Variants in GADD45A observed in about 807,000 individuals in gnomAD.
The protein encoded by GADD45A is growth arrest and DNA damage-inducible protein GADD45 alpha.
A neutral mutation model predicts 17.7 loss-of-function variants in GADD45A; 9 were observed. The ratio of observed to expected loss-of-function variants is 0.51; its 90% CI spans 0.31 to 0.89. The LOEUF (loss-of-function observed/expected upper bound fraction) is 0.89. Ranked by LOEUF, GADD45A falls within the 40% of genes least tolerant of loss-of-function variation. The pLI is 0.05. For missense variants in GADD45A, 149 were observed against 220.6 expected (o/e 0.68, Z 2.06); for synonymous variants, 95 against 92.2 (o/e 1.03, Z -0.17).
chr1:67,685,298 G>A lies in GADD45A; in HGVS notation c.-197G>A. The A allele has an allele frequency of 1.9e-6, 1 of 534,560 alleles. No homozygotes were observed. The highest frequency in any genetic ancestry group is 3.3e-6 in the Non-Finnish European group (1 of 305,934). The allele number at this position is 534,560 out of a possible 1,614,324, so 33.1% of individuals were successfully genotyped here. On this transcript the variant is annotated 5_prime_UTR_variant, in exon 1 of 4. Transcript: ENST00000370986. ...GGGGAGCGAGCGAGCAAGCAAGGCG[G>A]GAGGGGTGGCCGGAGCTGCGGCGGC...
In GADD45A at chr1:67,687,969, G is replaced by T; in HGVS notation, c.*195G>T. On this transcript the variant is annotated 3_prime_UTR_variant, in exon 4 of 4. Coordinates refer to ENST00000370986, the MANE Select transcript of GADD45A (RefSeq NM_001924.4). Reference sequence around the variant, plus strand: ...GCAGATGGAAAGAGGTGAAAATGAAGAAGGAAGCTGTGTTGAAACAGAAAA... The same window carrying T: ...GCAGATGGAAAGAGGTGAAAATGAATAAGGAAGCTGTGTTGAAACAGAAAA... 1 of 482,184 alleles carries T rather than the reference G, an allele frequency of 2.1e-6. No homozygotes were observed. Among genetic ancestry groups the T allele is most frequent in the Non-Finnish European group, 3.7e-6 (1 of 271,074 alleles). 29.9% of individuals were successfully genotyped at this position (482,184 alleles called of 1,614,324 possible).
Position 67,686,040 on chromosome 1 carries a change from G to A in GADD45A, c.60G>A (p.Gly20=), listed in dbSNP as rs916817277. The A allele has an allele frequency of 1.9e-6, 3 of 1,606,450 alleles. No individual in the cohort carries two copies. The African/African-American group carries it at 4.1e-5, about 22-fold the overall frequency. Residue 20 remains glycine (G), a synonymous_variant, in exon 2 of 4, where the codon GGG becomes GGA. Coordinates refer to ENST00000370986, the MANE Select transcript of GADD45A (RefSeq NM_001924.4). ...CCGCGTGTAGGATGGATAAGGTGGG[G>A]GATGCCCTGGAGGAAGTGCTCAGCA... ...EQKTERMDKV[G]DALEEVLSKA...
chr1:67,685,797 C>T, intron 1 of GADD45A: 1 of 594,322 alleles, frequency 1.7e-6, no homozygotes, highest in Non-Finnish European at 3.0e-6. Context: ...CCGTGGCTGG[C>T]AGCCTGTGGC....
rs1327550627 is a variant in GADD45A, at chr1:67,685,342, C to T, written c.-153C>T. 3 of 617,720 alleles carry T rather than the reference C, an allele frequency of 4.9e-6. No homozygotes were observed. Among genetic ancestry groups the T allele is most frequent in the Non-Finnish European group, 8.3e-6 (3 of 362,544 alleles). 38.3% of individuals were successfully genotyped at this position (617,720 alleles called of 1,614,324 possible). A position where few individuals can be genotyped will look rare whatever the true frequency, so the allele number is the denominator to read the frequency against. ...CGGCGGCTGGCACAGGAGGAGGAGCCCGGGCGGGCGAGGGGCGGCCGGAGA... is the reference window on the plus strand; with the variant it reads ...CGGCGGCTGGCACAGGAGGAGGAGCTCGGGCGGGCGAGGGGCGGCCGGAGA... On this transcript the variant is annotated 5_prime_UTR_variant, in exon 1 of 4. Coordinates refer to ENST00000370986, the MANE Select transcript of GADD45A (RefSeq NM_001924.4).
Position 67,686,566 on chromosome 1 carries a change from C to G in GADD45A, c.363C>G (p.Asp121Glu). Residue 121 changes from aspartate (D) to glutamate (E), a missense_variant, in exon 3 of 4, where the codon GAC becomes GAG. Asp to Glu is a conservative substitution (Grantham distance 45, BLOSUM62 2). Coordinates refer to ENST00000370986, the MANE Select transcript of GADD45A (RefSeq NM_001924.4). ...AASEGAEQPP[D>E]LHCVLVTNPH... is the part of the protein sequence containing the mutation. Reference sequence around the variant, plus strand: ...GCGAGGGCGCCGAGCAGCCCCCGGACCTGCACTGCGTGCTGGTGACGGTAA... The same window carrying G: ...GCGAGGGCGCCGAGCAGCCCCCGGAGCTGCACTGCGTGCTGGTGACGGTAA... 6.2e-7 allele frequency: 1 copy of G among 1,611,386 alleles called. No homozygotes were observed. Among genetic ancestry groups the G allele is most frequent in the Non-Finnish European group, 8.5e-7 (1 of 1,178,734 alleles).
In GADD45A at chr1:67,686,074, A is replaced by T; in HGVS notation, c.94A>T (p.Ser32Cys). The change falls in exon 2 of 4, where the codon AGT becomes TGT. Residue 32 changes from serine (S) to cysteine (C), a missense_variant. Ser to Cys is a moderately radical substitution (Grantham distance 112). Coordinates refer to ENST00000370986, the MANE Select transcript of GADD45A (RefSeq NM_001924.4). ...GGAGGAAGTGCTCAGCAAAGCCCTG[A>T]GTCAGCGCACGATCACTGTCGGGGT... ...ALEEVLSKAL[S>C]QRTITVGVYE... The T allele has an allele frequency of 1.9e-6, 3 of 1,609,562 alleles. No individual in the cohort carries two copies. In the South Asian group the frequency reaches 3.3e-5, roughly 18 times the overall value.
At position 67,686,063 on chromosome 1, in the gene GADD45A, G is replaced by T. The variant is rs2100645515; in HGVS notation, c.83G>T (p.Ser28Ile). The T allele has an allele frequency of 5.0e-6, 8 of 1,609,106 alleles. No homozygotes were observed. Among genetic ancestry groups the T allele is most frequent in the South Asian group, 1.1e-5 (1 of 90,712 alleles). ...GGGGATGCCCTGGAGGAAGTGCTCA[G>T]CAAAGCCCTGAGTCAGCGCACGATC... The part of the protein sequence containing the change: ...KVGDALEEVL[S>I]KALSQRTITV... The change falls in exon 2 of 4, where the codon AGC becomes ATC. Residue 28 changes from serine to isoleucine, a missense_variant. Coordinates refer to ENST00000370986, the MANE Select transcript of GADD45A (RefSeq NM_001924.4).
At chr1:67,686,234 T>G in intron 2 of GADD45A, 108 bp downstream of exon 2, 1 of 1,373,484 alleles carries the variant, frequency 7.3e-7, no homozygotes, top group South Asian at 1.2e-5. Context: ...CTGTCGCTTT[T>G]CTGCCTGTCT....
At position 67,686,494 on chromosome 1, in the gene GADD45A, G is replaced by T; in HGVS notation, c.291G>T (p.Arg97=). 2 of 1,613,456 alleles carry T rather than the reference G, an allele frequency of 1.2e-6. No homozygotes were observed. The highest frequency in any genetic ancestry group is 1.1e-5 in the South Asian group (1 of 91,090). The change falls in exon 3 of 4, where the codon CGG becomes CGT. Residue 97 remains arginine, a synonymous_variant. Transcript: ENST00000370986. ...TCCTGCGCGTCAGCAACCCGGGCCG[G>T]CTGGCGGAGCTCCTGCTCTTGGAGA... ...INILRVSNPG[R]LAELLLLETD...
In GADD45A at chr1:67,686,006, CG is replaced by C; in HGVS notation, c.45-18del. The C allele has an allele frequency of 6.4e-7, 1 of 1,571,218 alleles. No homozygotes were observed. The highest frequency in any genetic ancestry group is 1.1e-5 in the South Asian group (1 of 88,276). ...GGGCACCGGGGCTGACGGGACCCCT[CG>C]CCCTTGCCCGCGTGTAGGATGGATA... On this transcript the variant is annotated intron_variant, in intron 1 of 3. Coordinates refer to ENST00000370986, the MANE Select transcript of GADD45A (RefSeq NM_001924.4).
In GADD45A at chr1:67,685,450, G is replaced by C; in HGVS notation, c.-45G>C. 6.3e-7 allele frequency: 1 copy of C among 1,578,296 alleles called. No individual in the cohort carries two copies. Among genetic ancestry groups the C allele is most frequent in the East Asian group, 2.3e-5 (1 of 43,486 alleles). ...CCGCGCGCTAGCCGTGGCAGGAGCAGCCCGCACGCCGCGCTCTCTCCCTGG... is the reference window on the plus strand; with the variant it reads ...CCGCGCGCTAGCCGTGGCAGGAGCACCCCGCACGCCGCGCTCTCTCCCTGG... On this transcript the variant is annotated 5_prime_UTR_variant, in exon 1 of 4. Coordinates refer to ENST00000370986, the MANE Select transcript of GADD45A (RefSeq NM_001924.4).
intron 3 of GADD45A, among the ~76,000 whole-genome samples, chr1:67,686,891 GC>G (rs1557583868): frequency 6.6e-6 from 1 of 152,200 alleles, no homozygotes; most frequent in African/African-American, 2.4e-5. Flanking sequence ...AATTCCTTTA[GC>G]AGGGCAGATT....
At chr1:67,685,904 A>G in intron 1 of GADD45A, 121 bp from the exon 2 acceptor site, 1 of 657,024 alleles carries the variant, frequency 1.5e-6, no homozygotes, top group Non-Finnish European at 2.6e-6. Flanking sequence ...GTTTTCGTAG[A>G]GCCCAGGTGC....
At chr1:67,686,310 C>T (rs1486513809) in intron 2 of GADD45A, 40 bp from the exon 3 acceptor site, 2 of 1,579,832 alleles carry the variant, frequency 1.3e-6, no homozygotes, top group East Asian at 4.5e-5. Flanking sequence ...TTGAGGGCGC[C>T]CGCGCTTCTG....
chr1:67,686,006 C>T lies in GADD45A; in HGVS notation c.45-19C>T, dbSNP rs1195165213. 7 of 1,571,098 alleles carry T rather than the reference C, an allele frequency of 4.5e-6. No homozygotes were observed. In the East Asian group the frequency reaches 1.4e-4, roughly 32 times the overall value. On this transcript the variant is annotated intron_variant, in intron 1 of 3. Transcript: ENST00000370986. ...GGGCACCGGGGCTGACGGGACCCCT[C>T]GCCCTTGCCCGCGTGTAGGATGGAT...
In GADD45A at chr1:67,686,010, C is replaced by G; in HGVS notation, c.45-15C>G. ...ACCGGGGCTGACGGGACCCCTCGCC[C>G]TTGCCCGCGTGTAGGATGGATAAGG... On this transcript the variant is annotated splice_polypyrimidine_tract_variant and intron_variant, in intron 1 of 3. Coordinates refer to ENST00000370986, the MANE Select transcript of GADD45A (RefSeq NM_001924.4). 1 of 1,584,692 alleles carries G rather than the reference C, an allele frequency of 6.3e-7. No homozygotes were observed. The highest frequency in any genetic ancestry group is 1.1e-5 in the South Asian group (1 of 88,872).
At position 67,688,175 on chromosome 1, in the gene GADD45A, A is replaced by G. The variant is rs1646148742; in HGVS notation, c.*401A>G. ...AAAAGAAAAGCCGAAAGGGTTAATC[A>G]TATTTGAAAACCATATTTTATTGTA... On this transcript the variant is annotated 3_prime_UTR_variant, in exon 4 of 4. Coordinates refer to ENST00000370986, the MANE Select transcript of GADD45A (RefSeq NM_001924.4). 1.3e-5 allele frequency: 2 copies of G among 158,388 alleles called. No individual in the cohort carries two copies. The highest frequency in any genetic ancestry group is 2.8e-5 in the Non-Finnish European group (2 of 71,912). 9.8% of individuals were successfully genotyped at this position (158,388 alleles called of 1,614,324 possible).
At position 67,685,469 on chromosome 1, in the gene GADD45A, T is replaced by C; in HGVS notation, c.-26T>C. On this transcript the variant is annotated 5_prime_UTR_variant, in exon 1 of 4. Transcript: ENST00000370986. The stretch of plus-strand genomic sequence containing the variant: ...GGAGCAGCCCGCACGCCGCGCTCTC[T>C]CCCTGGGCGACCTGCAGTTTGCAAT... 2 of 1,602,082 alleles carry C rather than the reference T, an allele frequency of 1.2e-6. No individual in the cohort carries two copies. The highest frequency in any genetic ancestry group is 2.2e-5 in the South Asian group (2 of 89,406).
intron 1 of GADD45A, chr1:67,685,783 G>T (rs371930206): frequency 2.2e-5 from 13 of 596,098 alleles, no homozygotes; most frequent in East Asian, 1.2e-4. Context: ...TGCCCGTGCG[G>T]CTCCCGTGGC....
Sources: gnomAD v4.1 joint callset for allele counts (sites outside exome capture counted in the v4.1 genomes callset) on GRCh38, gnomAD v4.1.1 for gene constraint, MANE v1.5 for transcripts, NCBI Gene and HGNC (gene_info 2026-07-23, HGNC 2026-07-21) for gene names.